Variants in WDPCP observed in about 807,000 individuals in gnomAD.
WDPCP encodes the protein WD repeat-containing and planar cell polarity effector protein fritz homolog.
A neutral mutation model predicts 93.1 loss-of-function variants in WDPCP; 71 were observed. The observed-to-expected ratio is 0.76, with a 90% CI of 0.63 to 0.93. WDPCP has a LOEUF of 0.93. WDPCP is among the 40% of genes least tolerant of loss of function. The pLI is 0.00. For synonymous variants in WDPCP, 315 were observed against 315.0 expected (o/e 1.00, Z 0.00); for missense variants, 844 against 887.4 (o/e 0.95, Z 0.62).
At chr2:63,134,491 T>C (rs1670485546) in intron 17 of WDPCP, among the ~76,000 whole-genome samples, 1 of 152,184 alleles carries the variant, frequency 6.6e-6, no homozygotes, top group Non-Finnish European at 1.5e-5. Context: ...CACACAGACA[T>C]ACACATACAT....
intron 2 of WDPCP, chr2:63,751,893 T>G: frequency 1.5e-6 from 1 of 687,140 alleles, no homozygotes; most frequent in Non-Finnish European, 2.7e-6. Flanking sequence ...CAAAATTGCT[T>G]CCATCACCAA....
intron 2 of WDPCP, among the ~76,000 whole-genome samples, chr2:63,704,781 C>A (rs887121356): frequency 2.0e-5 from 3 of 151,972 alleles, no homozygotes; most frequent in African/African-American, 7.3e-5. Flanking sequence ...TGTTTCTGCC[C>A]GGCTTTGGTA....
At chr2:63,203,852 G>C (rs1336494072) in intron 14 of WDPCP, among the ~76,000 whole-genome samples, 5 of 152,146 alleles carry the variant, frequency 3.3e-5, no homozygotes, top group Admixed American at 2.0e-4. Context: ...ATTTCATCCA[G>C]TTCCATCCGT....
At chr2:63,217,959 G>T (rs1052675665) in intron 14 of WDPCP, among the ~76,000 whole-genome samples, 2 of 152,130 alleles carry the variant, frequency 1.3e-5, no homozygotes, top group Non-Finnish European at 2.9e-5. Context: ...TCCCCTTAAG[G>T]TTGCCTCTGT....
chr2:63,779,226 C>G (rs958015803), intron 2 of WDPCP, among the ~76,000 whole-genome samples: 1 of 152,168 alleles, frequency 6.6e-6, no homozygotes, highest in African/African-American at 2.4e-5. Flanking sequence ...AGCATCCTCT[C>G]AAGAATTTGA....
chr2:63,434,654 GA>G (rs977111842), intron 8 of WDPCP, among the ~76,000 whole-genome samples: 6 of 148,396 alleles, frequency 4.0e-5, no homozygotes, highest in Non-Finnish European at 7.5e-5. Flanking sequence ...TAGCTTGGAA[GA>G]AAAAAAAAAC....
intron 14 of WDPCP, among the ~76,000 whole-genome samples, chr2:63,186,285 A>G (rs1035601451): frequency 3.3e-5 from 5 of 152,288 alleles, no homozygotes; most frequent in Non-Finnish European, 5.9e-5. Flanking sequence ...CAAAGGGGGA[A>G]AGCCCAATTT....
At chr2:63,182,120 C>T (rs1357163128) in intron 14 of WDPCP, among the ~76,000 whole-genome samples, 1 of 151,942 alleles carries the variant, frequency 6.6e-6, no homozygotes, top group Non-Finnish European at 1.5e-5. Context: ...TTCATCTTTT[C>T]CAAATTTGGA....
intron 10 of WDPCP, among the ~76,000 whole-genome samples, chr2:63,398,280 T>C (rs1185110697): frequency 6.6e-6 from 1 of 152,140 alleles, no homozygotes; most frequent in Non-Finnish European, 1.5e-5. Flanking sequence ...TGGAAAAGCT[T>C]TAATATCTTA....
chr2:63,781,395 A>G (rs942378068), intron 2 of WDPCP, among the ~76,000 whole-genome samples: 1 of 152,186 alleles, frequency 6.6e-6, no homozygotes, highest in Non-Finnish European at 1.5e-5. Flanking sequence ...ACTTGGGAAG[A>G]GAAAGAGAAG....
chr2:63,384,909 A>G (rs2104938484), intron 10 of WDPCP, among the ~76,000 whole-genome samples: 1 of 152,142 alleles, frequency 6.6e-6, no homozygotes, highest in South Asian at 2.1e-4. Flanking sequence ...TTTCCCATAA[A>G]CAAACACAAA....
intron 12 of WDPCP, among the ~76,000 whole-genome samples, chr2:63,358,559 C>A (rs773778733): frequency 6.6e-6 from 1 of 152,154 alleles, no homozygotes; most frequent in African/African-American, 2.4e-5. Context: ...CATACTCAAG[C>A]AACCCTCCCA....
intron 2 of WDPCP, among the ~76,000 whole-genome samples, chr2:63,767,444 A>G (rs946343131): frequency 1.3e-5 from 2 of 152,158 alleles, no homozygotes; most frequent in Admixed American, 6.6e-5. Context: ...CAACGATAAC[A>G]TTTTACATTT....
At chr2:63,684,354 C>A in intron 2 of WDPCP, 1 of 691,060 alleles carries the variant, frequency 1.4e-6, no homozygotes. Flanking sequence ...CCTGGCTGGA[C>A]ACTACTCTGG....
At chr2:63,161,622 A>G (rs1040404863) in intron 15 of WDPCP, among the ~76,000 whole-genome samples, 2 of 152,346 alleles carry the variant, frequency 1.3e-5, no homozygotes, top group East Asian at 3.9e-4. Context: ...AAGTGAATCA[A>G]TTTAAACTGG....
chr2:63,505,533 C>T (rs2106040475), intron 1 of WDPCP, among the ~76,000 whole-genome samples: 1 of 152,054 alleles, frequency 6.6e-6, no homozygotes, highest in South Asian at 2.1e-4. Flanking sequence ...CCCTAAAGCC[C>T]AAACAAGTTA....
chr2:63,558,009 A>T (rs1231941422), intron 1 of WDPCP, among the ~76,000 whole-genome samples: 1 of 152,186 alleles, frequency 6.6e-6, no homozygotes, highest in African/African-American at 2.4e-5. Flanking sequence ...GTCATAAGGG[A>T]AATTTATAGT....
chr2:63,317,566 A>G (rs1021933381), intron 12 of WDPCP, among the ~76,000 whole-genome samples: 2 of 152,216 alleles, frequency 1.3e-5, no homozygotes, highest in African/African-American at 4.8e-5. Context: ...AAACAGACAC[A>G]TAAACCAATA....
chr2:63,527,340 A>G (rs547239962), intron 1 of WDPCP, among the ~76,000 whole-genome samples: 67 of 150,826 alleles, frequency 4.4e-4, no homozygotes, highest in African/African-American at 1.6e-3. Flanking sequence ...CATTTACATT[A>G]GGTATACGTC....
Sources: gnomAD v4.1 joint callset for allele counts (sites outside exome capture counted in the v4.1 genomes callset) on GRCh38, gnomAD v4.1.1 for gene constraint, MANE v1.5 for transcripts, NCBI Gene and HGNC (gene_info 2026-07-23, HGNC 2026-07-21) for gene names.